The following PELO variants were observed in gnomAD, a reference collection of about 807,000 sequenced individuals.
PELO encodes the protein protein pelota homolog.
In PELO, 19 loss-of-function variants were observed where a neutral mutation model predicts 25.9. The observed-to-expected ratio is 0.73, with a 90% confidence interval of 0.51 to 1.08. The LOEUF (loss-of-function observed/expected upper bound fraction) is 1.08. Ranked by LOEUF, PELO falls within the 50% of genes least tolerant of loss-of-function variation. PELO has a pLI of 0.00. For synonymous variants in PELO, 196 were observed against 192.2 expected (o/e 1.02, Z -0.16); for missense variants, 498 against 491.4 (o/e 1.01, Z -0.13).
Position 52,788,094 on chromosome 5 carries a change from A to G in PELO, c.-831A>G. 2 of 412,324 alleles carry G rather than the reference A, an allele frequency of 4.9e-6. No homozygotes were observed. Among genetic ancestry groups the G allele is most frequent in the Non-Finnish European group, 8.6e-6 (2 of 231,416 alleles). The allele number at this position is 412,324 out of a possible 1,614,324, so 25.5% of individuals were successfully genotyped here. On this transcript the variant is annotated 5_prime_UTR_variant, in exon 1 of 3. Transcript: ENST00000274311. ...GACAGAGCCTGGGAAGCTGCCAGTG[A>G]GATTTCAGAGACCAAGAGCGCGAAG...
intron 1 of PELO, among the ~76,000 whole-genome samples, 156 bp downstream of exon 1, chr5:52,788,570 G>A (rs888095750): frequency 2.0e-5 from 3 of 152,246 alleles, no homozygotes; most frequent in Non-Finnish European, 2.9e-5. Flanking sequence ...GGGGCAGGCA[G>A]GAGTTTCGCG....
chr5:52,792,150 C>T (rs1336959374), intron 1 of PELO, among the ~76,000 whole-genome samples: 1 of 152,122 alleles, frequency 6.6e-6, no homozygotes, highest in Non-Finnish European at 1.5e-5. Context: ...AGAATTAGCC[C>T]TAATTAAACT....
chr5:52,800,503 G>C lies in PELO; in HGVS notation c.109G>C (p.Asp37His). The C allele has an allele frequency of 6.2e-7, 1 of 1,614,086 alleles. No individual in the cohort carries two copies. Among genetic ancestry groups the C allele is most frequent in the Non-Finnish European group, 8.5e-7 (1 of 1,180,026 alleles). Reference sequence around the variant, plus strand: ...CACTTACAACCTCGTGCAGGTGGGCGACAGCCTGCGCGCCTCCACCATCCG... The same window carrying C: ...CACTTACAACCTCGTGCAGGTGGGCCACAGCCTGCGCGCCTCCACCATCCG... ...WHTYNLVQVG[D>H]SLRASTIRKV... The change falls in exon 2 of 3, where the codon GAC (aspartate) becomes CAC (histidine). Residue 37 changes from aspartate (D) to histidine (H), a missense_variant. Coordinates refer to ENST00000274311, the MANE Select transcript of PELO (RefSeq NM_015946.5).
rs573323435 is a variant in PELO, at chr5:52,800,018, C to G, written c.-377C>G. 475 of 281,350 alleles carry G rather than the reference C, an allele frequency of 1.7e-3. 2 individuals are homozygous for G. The highest frequency in any genetic ancestry group is 0.01 in the African/African-American group (460 of 45,000). 17.4% of individuals were successfully genotyped at this position (281,350 alleles called of 1,614,324 possible). On this transcript the variant is annotated 5_prime_UTR_variant, in exon 2 of 3. Coordinates refer to ENST00000274311, the MANE Select transcript of PELO (RefSeq NM_015946.5). The stretch of plus-strand genomic sequence containing the variant: ...ACAGCTTAGTGCGCCTGCGCACGCG[C>G]GAACTGCGGCCCCGCCTCTCCTTTG...
chr5:52,795,776 A>G (rs1748329809), intron 1 of PELO, among the ~76,000 whole-genome samples: 1 of 151,978 alleles, frequency 6.6e-6, no homozygotes, highest in Admixed American at 6.6e-5. Flanking sequence ...AAGTATCATA[A>G]TATCACTAGG....
intron 1 of PELO, among the ~76,000 whole-genome samples, chr5:52,799,647 T>G (rs963606812): frequency 3.3e-5 from 5 of 152,308 alleles, no homozygotes; most frequent in Admixed American, 2.0e-4. Context: ...ACGTGACCAG[T>G]AGTTCTCAGA....
intron 1 of PELO, among the ~76,000 whole-genome samples, chr5:52,797,755 T>C (rs1748373740): frequency 6.6e-6 from 1 of 152,186 alleles, no homozygotes; most frequent in African/African-American, 2.4e-5. Context: ...CTTGAAAACA[T>C]TTCTTAACTT....
At chr5:52,796,471 AG>A (rs2111651672) in intron 1 of PELO, among the ~76,000 whole-genome samples, 1 of 152,160 alleles carries the variant, frequency 6.6e-6, no homozygotes, top group African/African-American at 2.4e-5. Flanking sequence ...TAGTATTTAA[AG>A]CAAAAGAGCT....
Position 52,788,379 on chromosome 5 carries a change from C to G in PELO, c.-546C>G. ...ATGGCCCCTCGGCCCCGCGCCCGCCCAGGGGTCGCTGTCGCCTGCTGCTGG... is the reference window on the plus strand; with the variant it reads ...ATGGCCCCTCGGCCCCGCGCCCGCCGAGGGGTCGCTGTCGCCTGCTGCTGG... On this transcript the variant is annotated 5_prime_UTR_variant, in exon 1 of 3. Transcript: ENST00000274311. 1 of 1,513,378 alleles carries G rather than the reference C, an allele frequency of 6.6e-7. No individual in the cohort carries two copies. The highest frequency in any genetic ancestry group is 8.8e-7 in the Non-Finnish European group (1 of 1,134,406). 93.7% of individuals were successfully genotyped at this position (1,513,378 alleles called of 1,614,324 possible). A position where few individuals can be genotyped will look rare whatever the true frequency, so the allele number is the denominator to read the frequency against.
rs563504558 is a variant in PELO at position 52,802,004 on chromosome 5, T to C, written c.*164T>C. The C allele has an allele frequency of 1.5e-4, 84 of 562,624 alleles. No individual in the cohort carries two copies. Among genetic ancestry groups the C allele is most frequent in the South Asian group, 1.1e-3 (43 of 40,794 alleles). 34.9% of individuals were successfully genotyped at this position (562,624 alleles called of 1,614,324 possible). The stretch of plus-strand genomic sequence containing the variant: ...GATATTTTGTGATTGGCAAGACATG[T>C]ATTTAAACAATAAACTAAAAGGAAA... On this transcript the variant is annotated 3_prime_UTR_variant, in exon 3 of 3. Coordinates refer to ENST00000274311, the MANE Select transcript of PELO (RefSeq NM_015946.5).
At position 52,802,993 on chromosome 5, in the gene PELO, A is replaced by G. The variant is rs1378990226; in HGVS notation, c.*1153A>G. 1 of 152,206 alleles carries G rather than the reference A, an allele frequency of 6.6e-6. No individual in the cohort carries two copies. The highest frequency in any genetic ancestry group is 2.4e-5 in the African/African-American group (1 of 41,456). The allele number at this position is 152,206 out of a possible 1,614,324, so 9.4% of individuals were successfully genotyped here. A position where few individuals can be genotyped will look rare whatever the true frequency, so the allele number is the denominator to read the frequency against. On this transcript the variant is annotated 3_prime_UTR_variant, in exon 3 of 3. Transcript: ENST00000274311. Reference sequence around the variant, plus strand: ...GTTAAGGAAGGAGCCTCAGTAATGGAATTGCTTCTTGACCTTTTGCAAACC... The same window carrying G: ...GTTAAGGAAGGAGCCTCAGTAATGGGATTGCTTCTTGACCTTTTGCAAACC...
Position 52,800,886 on chromosome 5 carries a change from G to A in PELO, c.492G>A (p.Glu164=). Residue 164 remains glutamate, a synonymous_variant, in exon 2 of 3, where the codon GAG becomes GAA. Coordinates refer to ENST00000274311, the MANE Select transcript of PELO (RefSeq NM_015946.5). ...TGACCCTCACTCGGGCCAAGGTGGAGGTGAACATCCCTAGGAAAAGGAAAG... is the reference window on the plus strand; with the variant it reads ...TGACCCTCACTCGGGCCAAGGTGGAAGTGAACATCCCTAGGAAAAGGAAAG... ...PSMTLTRAKV[E]VNIPRKRKGN... is the part of the protein sequence containing the mutation. 3.1e-6 allele frequency: 5 copies of A among 1,613,146 alleles called. No homozygotes were observed. The highest frequency in any genetic ancestry group is 4.2e-6 in the Non-Finnish European group (5 of 1,179,356).
rs1453112323 is a variant in PELO, at chr5:52,795,619, C to G, written c.-510-4266C>G. ...TAAATAAATGTACCCCAAAGATTATCCATCAGTCAACTCTACCAAACCAGT... is the reference window on the plus strand; with the variant it reads ...TAAATAAATGTACCCCAAAGATTATGCATCAGTCAACTCTACCAAACCAGT... On this transcript the variant is annotated intron_variant, in intron 1 of 2. Transcript: ENST00000274311. Among the ~76,000 whole-genome samples the G allele has an allele frequency of 2.0e-5, 3 of 151,988 alleles. No homozygotes were observed. The East Asian group carries it at 5.8e-4, about 29-fold the overall frequency.
At chr5:52,794,914 G>A (rs931592079) in intron 1 of PELO, among the ~76,000 whole-genome samples, 3 of 151,930 alleles carry the variant, frequency 2.0e-5, no homozygotes, top group African/African-American at 7.2e-5. Flanking sequence ...TTGCCATTAT[G>A]TGTTATTCTA....
At chr5:52,797,097 T>C (rs7708122) in intron 1 of PELO, among the ~76,000 whole-genome samples, 12,809 of 151,976 alleles carry the variant, frequency 0.084, 1,800 homozygotes, top group African/African-American at 0.29. Context: ...AATAAAAATA[T>C]AATGATTGGT....
intron 1 of PELO, among the ~76,000 whole-genome samples, chr5:52,794,106 A>T (rs887220018): frequency 6.6e-6 from 1 of 152,028 alleles, no homozygotes. Context: ...CAAACAGGAG[A>T]TCCCTATTAA....
chr5:52,801,303 G>C, intron 2 of PELO, 106 bp from the exon 3 acceptor site: 1 of 1,144,412 alleles, frequency 8.7e-7, no homozygotes, highest in Non-Finnish European at 1.2e-6. Context: ...AAACTTCGCT[G>C]AAACATATGA....
Position 52,802,825 on chromosome 5 carries a change from G to A in PELO, c.*985G>A, listed in dbSNP as rs867150548. The A allele has an allele frequency of 6.6e-6, 1 of 152,176 alleles. No individual in the cohort carries two copies. The highest frequency in any genetic ancestry group is 2.4e-5 in the African/African-American group (1 of 41,418). The allele number at this position is 152,176 out of a possible 1,614,324, so 9.4% of individuals were successfully genotyped here. A position where few individuals can be genotyped will look rare whatever the true frequency, so the allele number is the denominator to read the frequency against. On this transcript the variant is annotated 3_prime_UTR_variant, in exon 3 of 3. Transcript: ENST00000274311. ...TTCTAAAGTTTAAGTCACATGACTA[G>A]TATGTGGCAGTTGACTTAAACTCCA...
In PELO at chr5:52,800,799, T is replaced by C; in HGVS notation, c.405T>C (p.Ala135=). Residue 135 remains alanine (A), a synonymous_variant, in exon 2 of 3, where the codon GCT becomes GCC. Coordinates refer to ENST00000274311, the MANE Select transcript of PELO (RefSeq NM_015946.5). ...IEQACDPAWS[A]DVAAVVMQEG... is the part of the protein sequence containing the mutation. ...AGGCCTGTGACCCAGCCTGGAGCGC[T>C]GATGTGGCGGCTGTGGTCATGCAGG... The C allele has an allele frequency of 6.2e-7, 1 of 1,612,890 alleles. No individual in the cohort carries two copies.
Sources: gnomAD v4.1 joint callset for allele counts (sites outside exome capture counted in the v4.1 genomes callset) on GRCh38, gnomAD v4.1.1 for gene constraint, MANE v1.5 for transcripts, NCBI Gene and HGNC (gene_info 2026-07-23, HGNC 2026-07-21) for gene names.